The following RBFOX1 variants were observed in gnomAD, a reference collection of about 807,000 sequenced individuals.
The protein encoded by RBFOX1 is RNA binding protein fox-1 homolog 1.
Under a neutral mutation model 57.7 loss-of-function variants are expected in RBFOX1, and 8 were observed. The observed-to-expected ratio is 0.14, with a 90% CI of 0.08 to 0.25. The LOEUF (loss-of-function observed/expected upper bound fraction) is 0.25. RBFOX1 is among the 10% of genes least tolerant of loss of function. The pLI is 1.00. For synonymous variants in RBFOX1, 326 were observed against 222.4 expected, an observed-to-expected ratio of 1.47 and a Z score of -4.15; for missense variants, 611 against 548.5, an observed-to-expected ratio of 1.11 and a Z score of -1.14.
chr16:7,670,584 G>C (rs1452342095), intron 13 of RBFOX1, among the ~76,000 whole-genome samples: 2 of 152,176 alleles, frequency 1.3e-5, no homozygotes, highest in Admixed American at 1.3e-4. Flanking sequence ...AAATATTCAA[G>C]TAAGCAGTGA....
rs140386536 is a variant in RBFOX1, at chr16:6,934,854, G to A, written c.-15-117203G>A. On this transcript the variant is annotated intron_variant, in intron 3 of 15. Transcript: ENST00000550418. ...TAATCCCAGCACTTTGGAAGGCCGA[G>A]GCTGGCAGATGACTTGAGCTCAGGA... is the stretch of plus-strand genomic sequence containing the variant. Among the ~76,000 whole-genome samples, 861 of 152,220 alleles carry A rather than the reference G, an allele frequency of 5.7e-3. 9 individuals are homozygous for A. The highest frequency in any genetic ancestry group is 0.02 in the African/African-American group (832 of 41,516).
chr16:6,893,841 G>A (rs1340008605), intron 3 of RBFOX1, among the ~76,000 whole-genome samples: 3 of 152,058 alleles, frequency 2.0e-5, no homozygotes, highest in African/African-American at 7.3e-5. Context: ...AATACTTCAG[G>A]GCCAATGGAA....
intron 4 of RBFOX1, among the ~76,000 whole-genome samples, chr16:7,410,205 C>T (rs12051526): frequency 0.46 from 70,128 of 151,918 alleles, 16,462 homozygotes; most frequent in East Asian, 0.61. Context: ...GCTGGGTGAC[C>T]GCTATGGTCC....
chr16:6,906,722 C>CT lies in RBFOX1; in HGVS notation c.-15-145334dup, dbSNP rs1440040083. Reference sequence around the variant, plus strand: ...GGGTGCTCCATAAATATTTGCAGAACTATTTTTTTTTTTTTTTTGAGACAG... The same window carrying CT: ...GGGTGCTCCATAAATATTTGCAGAACTTATTTTTTTTTTTTTTTTGAGACAG... On this transcript the variant is annotated intron_variant, in intron 3 of 15. Transcript: ENST00000550418. Among the ~76,000 whole-genome samples the CT allele has an allele frequency of 6.6e-5, 8 of 121,106 alleles. No homozygotes were observed. The East Asian group carries it at 7.6e-4, about 12-fold the overall frequency. 79.5% of individuals were successfully genotyped at this position (121,106 alleles called of 152,430 possible). A position where few individuals can be genotyped will look rare whatever the true frequency, so the allele number is the denominator to read the frequency against.
At chr16:6,303,792 G>A (rs571827778) in intron 1 of RBFOX1, among the ~76,000 whole-genome samples, 3 of 148,900 alleles carry the variant, frequency 2.0e-5, no homozygotes, top group Non-Finnish European at 4.4e-5. Context: ...TGGCTAACAT[G>A]GTGAAACCCT....
chr16:7,123,580 G>T (rs1468241421), intron 4 of RBFOX1, among the ~76,000 whole-genome samples: 1 of 151,972 alleles, frequency 6.6e-6, no homozygotes, highest in African/African-American at 2.4e-5. Flanking sequence ...GTCCAGGTTG[G>T]TCTCAAATTC....
At chr16:7,194,315 A>T (rs1416570321) in intron 4 of RBFOX1, among the ~76,000 whole-genome samples, 4 of 152,188 alleles carry the variant, frequency 2.6e-5, no homozygotes, top group Non-Finnish European at 5.9e-5. Context: ...TGATATTGTT[A>T]TTTTATCATT....
chr16:7,046,603 CTTTTT>C (rs59921108), intron 3 of RBFOX1, among the ~76,000 whole-genome samples: 1,804 of 85,038 alleles, frequency 0.021, 34 homozygotes, highest in African/African-American at 0.077. Context: ...TGTGTTTTAT[CTTTTT>C]TTTTTTTTTT....
At chr16:7,017,711 T>C (rs960132627) in intron 3 of RBFOX1, among the ~76,000 whole-genome samples, 36 of 152,130 alleles carry the variant, frequency 2.4e-4, no homozygotes, top group African/African-American at 8.2e-4. Flanking sequence ...TTCAATAGCT[T>C]TTCTCTTCAC....
At chr16:5,965,317 G>A (rs1007369602) in intron 4 of RBFOX1, among the ~76,000 whole-genome samples, 32 of 152,190 alleles carry the variant, frequency 2.1e-4, no homozygotes, top group African/African-American at 7.5e-4. Context: ...ACAAGCAAAC[G>A]TAGCTGTGTG....
intron 1 of RBFOX1, among the ~76,000 whole-genome samples, chr16:5,351,314 G>A (rs1000070063): frequency 3.3e-5 from 5 of 152,142 alleles, no homozygotes; most frequent in South Asian, 2.1e-4. Context: ...ATAGAATTCC[G>A]TCTTCTAACT....
At chr16:7,361,340 A>G (rs2097315744) in intron 4 of RBFOX1, among the ~76,000 whole-genome samples, 1 of 152,238 alleles carries the variant, frequency 6.6e-6, no homozygotes, top group Non-Finnish European at 1.5e-5. Context: ...AAATTGACTT[A>G]GAAAGCTTTG....
At chr16:6,702,637 T>G (rs189468671) in intron 3 of RBFOX1, among the ~76,000 whole-genome samples, 1 of 152,342 alleles carries the variant, frequency 6.6e-6, no homozygotes, top group Admixed American at 6.5e-5. Flanking sequence ...GAGGTCATAC[T>G]TCTAAGATAC....
chr16:6,882,130 A>C (rs538489049), intron 3 of RBFOX1, among the ~76,000 whole-genome samples: 4 of 152,284 alleles, frequency 2.6e-5, no homozygotes, highest in Admixed American at 6.5e-5. Flanking sequence ...AGGAAAGTCA[A>C]GGCTGCTGAT....
chr16:6,688,364 C>A (rs12444371), intron 3 of RBFOX1, among the ~76,000 whole-genome samples: 71,730 of 151,984 alleles, frequency 0.47, 20,014 homozygotes, highest in Non-Finnish European at 0.61. Flanking sequence ...CACCTCTCAT[C>A]AGGCCCCACC....
intron 1 of RBFOX1, among the ~76,000 whole-genome samples, chr16:5,462,042 C>A (rs991382437): frequency 6.6e-6 from 1 of 152,142 alleles, no homozygotes; most frequent in African/African-American, 2.4e-5. Flanking sequence ...AGGAGGGTGC[C>A]AGCTCCTCAC....
intron 1 of RBFOX1, among the ~76,000 whole-genome samples, chr16:6,158,624 C>T (rs1466606042): frequency 6.6e-6 from 1 of 151,946 alleles, no homozygotes; most frequent in Admixed American, 6.6e-5. Flanking sequence ...ATTTATTGAC[C>T]ACTGCACATG....
chr16:5,517,350 C>T (rs80254627), intron 2 of RBFOX1, among the ~76,000 whole-genome samples: 48 of 152,342 alleles, frequency 3.2e-4, no homozygotes, highest in African/African-American at 1.1e-3. Context: ...TTATTGTCTT[C>T]TCACTATAGG....
At chr16:6,088,320 T>C (rs1313389606) in intron 1 of RBFOX1, among the ~76,000 whole-genome samples, 2 of 152,180 alleles carry the variant, frequency 1.3e-5, no homozygotes, top group Non-Finnish European at 2.9e-5. Context: ...CAGATGCGTT[T>C]TTGTCACACA....
Sources: allele counts gnomAD v4.1 joint callset (sites outside exome capture counted in the v4.1 genomes callset), GRCh38; gene constraint gnomAD v4.1.1; transcripts MANE v1.5; gene names NCBI Gene and HGNC (gene_info 2026-07-23, HGNC 2026-07-21).